ALPK3: variants seen among roughly 807,000 people sequenced by gnomAD.
The protein encoded by ALPK3 is alpha-protein kinase 3.
Under a neutral mutation model 140.0 loss-of-function variants are expected in ALPK3, and 102 were observed. That is an observed-to-expected ratio of 0.73 (90% CI 0.62 to 0.86). The LOEUF is 0.86. ALPK3 is among the 40% of genes least tolerant of loss of function. The pLI is 0.00. For synonymous variants in ALPK3, 938 were observed against 898.5 expected, an observed-to-expected ratio of 1.04 and a Z score of -0.79; for missense variants, 2,254 against 2,208.2, an observed-to-expected ratio of 1.02 and a Z score of -0.42.
chr15:84,851,807 T>C (rs1356751692), intron 5 of ALPK3, among the ~76,000 whole-genome samples: 1 of 152,242 alleles, frequency 6.6e-6, no homozygotes, highest in Non-Finnish European at 1.5e-5. Flanking sequence ...ATTTAAACAG[T>C]GCTGCAGTAT....
chr15:84,859,502 G>A, intron 7 of ALPK3, 112 bp downstream of exon 7: 2 of 1,412,314 alleles, frequency 1.4e-6, no homozygotes, highest in Non-Finnish European at 1.9e-6. Flanking sequence ...ACAATAACCA[G>A]GGGAGGTCCT....
chr15:84,860,606 C>T (rs564750482), intron 9 of ALPK3, among the ~76,000 whole-genome samples: 1 of 152,346 alleles, frequency 6.6e-6, no homozygotes, highest in Non-Finnish European at 1.5e-5. Context: ...CTACAAGAGA[C>T]AGGCTAAGGC....
At chr15:84,845,780 C>T (rs903720506) in intron 5 of ALPK3, among the ~76,000 whole-genome samples, 2 of 152,206 alleles carry the variant, frequency 1.3e-5, no homozygotes. Context: ...CACTGCAGGC[C>T]GGGTGTGGTG....
In ALPK3 at chr15:84,847,208, G is replaced by GAGAGAGAGAGAGAGAGAGAGAGAGAGAGA. The variant is rs373039929; in HGVS notation, c.1653+6276_1653+6277insAGAGAGAGAGAGAGAGAGAGAGAGAGAGA. On this transcript the variant is annotated intron_variant, in intron 5 of 13. Transcript: ENST00000258888. Reference sequence around the variant, plus strand: ...GAGAGAGGAAGGGAGGGAGAAACGGGGAGAGAGAGAGAGAGAGAGAGAGAG... The same window carrying GAGAGAGAGAGAGAGAGAGAGAGAGAGAGA: ...GAGAGAGGAAGGGAGGGAGAAACGGGAGAGAGAGAGAGAGAGAGAGAGAGAGAGAGAGAGAGAGAGAGAGAGAGAGAGAG... 2.6e-5 allele frequency among the ~76,000 whole-genome samples: 3 copies of GAGAGAGAGAGAGAGAGAGAGAGAGAGAGA among 116,640 alleles called. 1 individual carries two copies. The highest frequency in any genetic ancestry group is 8.8e-5 in the Admixed American group (1 of 11,408). The allele number at this position is 116,640 out of a possible 152,430, so 76.5% of individuals were successfully genotyped here. A position where few individuals can be genotyped will look rare whatever the true frequency, so the allele number is the denominator to read the frequency against.
chr15:84,848,096 A>T (rs1963754420), intron 5 of ALPK3, among the ~76,000 whole-genome samples: 1 of 152,078 alleles, frequency 6.6e-6, no homozygotes, highest in Non-Finnish European at 1.5e-5. Context: ...AGAATTGCTA[A>T]AGTAAATTTT....
intron 5 of ALPK3, among the ~76,000 whole-genome samples, chr15:84,841,393 G>A (rs1439510631): frequency 6.6e-6 from 1 of 152,206 alleles, no homozygotes; most frequent in Non-Finnish European, 1.5e-5. Context: ...GGTTAAATCT[G>A]GGTTTATCTA....
intron 3 of ALPK3, among the ~76,000 whole-genome samples, chr15:84,831,609 C>A (rs1030899511): frequency 1.3e-5 from 2 of 152,164 alleles, no homozygotes; most frequent in African/African-American, 4.8e-5. Context: ...TAAAAGCTTC[C>A]TTTTCCTTGC....
chr15:84,859,489 C>T (rs1963914581), intron 7 of ALPK3, 99 bp downstream of exon 7: 2 of 1,462,244 alleles, frequency 1.4e-6, no homozygotes, highest in Non-Finnish European at 1.8e-6. Context: ...CTCATTAATC[C>T]TCACAATAAC....
chr15:84,867,448 C>A, intron 13 of ALPK3, 83 bp downstream of exon 13: 1 of 1,535,186 alleles, frequency 6.5e-7, no homozygotes, highest in Non-Finnish European at 9.0e-7. Context: ...TTCTCCATCC[C>A]TGAGGTGCTG....
chr15:84,840,586 C>T lies in ALPK3; in HGVS notation c.1307C>T (p.Thr436Ile), dbSNP rs1458703934. The T allele has an allele frequency of 6.4e-7, 1 of 1,570,472 alleles. No homozygotes were observed. The highest frequency in any genetic ancestry group is 8.6e-7 in the Non-Finnish European group (1 of 1,160,960). Residue 436 changes from threonine (T) to isoleucine (I), a missense_variant, in exon 5 of 14, where the codon ACC becomes ATC. This residue lies in a region of ALPK3 where 2,088 missense variants were observed against 2,022.9 expected (regional missense o/e 1.03). Transcript: ENST00000258888. ...CCTCTTGGGGAAGAGGGACCCCAGA[C>T]CCTGAGTGTCCGGGCGCCTGGGGAG... ...VRPLGEEGPQ[T>I]LSVRAPGESP...
At chr15:84,821,732 C>CCTCT (rs140504037) in intron 1 of ALPK3, among the ~76,000 whole-genome samples, 1 of 151,358 alleles carries the variant, frequency 6.6e-6, no homozygotes, top group African/African-American at 2.4e-5. Context: ...TCTTTTTCTT[C>CCTCT]CTCTCTCTCT....
rs553679256 is a variant in ALPK3 at position 84,849,196 on chromosome 15, T to C, written c.1654-7196T>C. On this transcript the variant is annotated intron_variant, in intron 5 of 13. Transcript: ENST00000258888. ...AGTGAACTATCTAGTGATAAAAGGGTCAATTCAAGAAGACATAACAATAAA... is the reference window on the plus strand; with the variant it reads ...AGTGAACTATCTAGTGATAAAAGGGCCAATTCAAGAAGACATAACAATAAA... Among the ~76,000 whole-genome samples the C allele has an allele frequency of 7.4e-5, 11 of 148,748 alleles. No homozygotes were observed. In the South Asian group the frequency reaches 2.3e-3, roughly 31 times the overall value.
chr15:84,854,991 C>T (rs1963844362), intron 5 of ALPK3, among the ~76,000 whole-genome samples: 1 of 152,230 alleles, frequency 6.6e-6, no homozygotes. Flanking sequence ...TTTCCTCAAG[C>T]AGGGCTTGTG....
intron 1 of ALPK3, among the ~76,000 whole-genome samples, chr15:84,820,904 A>G (rs1052941608): frequency 6.6e-6 from 1 of 152,172 alleles, no homozygotes; most frequent in African/African-American, 2.4e-5. Context: ...GATTATAGGC[A>G]TGAGCCACTG....
At chr15:84,827,067 A>T (rs2141548526) in intron 2 of ALPK3, among the ~76,000 whole-genome samples, 1 of 152,250 alleles carries the variant, frequency 6.6e-6, no homozygotes, top group African/African-American at 2.4e-5. Flanking sequence ...CTTGGCATGA[A>T]TGAAGGCTCT....
chr15:84,862,013 G>A (rs889540480), intron 9 of ALPK3, among the ~76,000 whole-genome samples: 1 of 151,970 alleles, frequency 6.6e-6, no homozygotes, highest in Admixed American at 6.5e-5. Context: ...GTCTCTAATA[G>A]CTTTTGCTAG....
chr15:84,827,332 A>G, intron 2 of ALPK3, 152 bp from the exon 3 acceptor site: 1 of 1,133,036 alleles, frequency 8.8e-7, no homozygotes, highest in South Asian at 1.5e-5. Context: ...CAAGAGGCAC[A>G]AGCTGCCTTG....
At chr15:84,850,879 T>TATATAC (rs144798232) in intron 5 of ALPK3, among the ~76,000 whole-genome samples, 396 of 142,472 alleles carry the variant, frequency 2.8e-3, no homozygotes, top group Middle Eastern at 3.5e-3. Flanking sequence ...GTTCCAGATA[T>TATATAC]ACACACACAC....
chr15:84,862,408 C>G (rs1177815202), intron 9 of ALPK3, among the ~76,000 whole-genome samples: 2 of 151,966 alleles, frequency 1.3e-5, no homozygotes, highest in Non-Finnish European at 2.9e-5. Context: ...GTGATGGATA[C>G]CACATGGGTA....
Sources: allele counts gnomAD v4.1 joint callset (sites outside exome capture counted in the v4.1 genomes callset), GRCh38; gene constraint gnomAD v4.1.1; regional missense constraint gnomAD v4.1.1; transcripts MANE v1.5; gene names NCBI Gene and HGNC (gene_info 2026-07-23, HGNC 2026-07-21).